Variants in MAOA observed in about 807,000 individuals in gnomAD.
MAOA encodes the protein amine oxidase [flavin-containing] A.
Under a neutral mutation model 42.0 loss-of-function variants are expected in MAOA, and 6 were observed. The ratio of observed to expected loss-of-function variants is 0.14; its 90% CI spans 0.08 to 0.28. The LOEUF (loss-of-function observed/expected upper bound fraction) is 0.28. Among genes scored for constraint, MAOA ranks in the 10% least tolerant of loss-of-function variants. The pLI is 1.00. For missense variants in MAOA, 262 were observed against 422.3 expected (o/e 0.62, Z 3.33); for synonymous variants, 140 against 154.0 (o/e 0.91, Z 0.67).
Position 43,678,676 on chromosome X carries a change from C to T in MAOA, c.74-4837C>T, listed in dbSNP as rs780128710. Reference sequence around the variant, plus strand: ...GGTAGAATGCATAGTGAGTGACACACAAGTACAAAAAAGAGTTGGTTATAA... The same window carrying T: ...GGTAGAATGCATAGTGAGTGACACATAAGTACAAAAAAGAGTTGGTTATAA... On this transcript the variant is annotated intron_variant, in intron 1 of 14. Transcript: ENST00000338702. 6.3e-5 allele frequency among the ~76,000 whole-genome samples: 7 copies of T among 111,398 alleles called. No homozygotes were observed. The East Asian group carries it at 2.0e-3, about 31-fold the overall frequency.
chrX:43,657,183 A>G (rs1023299920), intron 1 of MAOA, among the ~76,000 whole-genome samples: 1 of 94,889 alleles, frequency 1.1e-5, no homozygotes, highest in African/African-American at 4.1e-5. Flanking sequence ...CTGTGTTTAT[A>G]TATATATATG....
In MAOA at chrX:43,669,038, T is replaced by C. The variant is rs186701689; in HGVS notation, c.73+12624T>C. Among the ~76,000 whole-genome samples, 405 of 110,868 alleles carry C rather than the reference T, an allele frequency of 3.7e-3. 2 individuals carry two copies. Among genetic ancestry groups the C allele is most frequent in the African/African-American group, 0.013 (390 of 30,538 alleles). On this transcript the variant is annotated intron_variant, in intron 1 of 14. Coordinates refer to ENST00000338702, the MANE Select transcript of MAOA (RefSeq NM_000240.4). ...TTTATTTTTCAGAGCTCTTGTTGAG[T>C]TGATGTTGCTCTAAGAAGTGAGCTT... is the stretch of plus-strand genomic sequence containing the variant.
rs1057459321 is a variant in MAOA at position 43,661,671 on chromosome X, T to C, written c.73+5257T>C. Among the ~76,000 whole-genome samples, 5 of 111,824 alleles carry C rather than the reference T, an allele frequency of 4.5e-5. No individual in the cohort carries two copies. In the East Asian group the frequency reaches 1.4e-3, roughly 32 times the overall value. The stretch of plus-strand genomic sequence containing the variant: ...CACATCTACCCATGATTTTTGTTCC[T>C]GTGTGAGCTGTGAATGGTTAGCGAG... On this transcript the variant is annotated intron_variant, in intron 1 of 14. Transcript: ENST00000338702.
At chrX:43,687,203 A>G (rs1307933056) in intron 2 of MAOA, among the ~76,000 whole-genome samples, 3 of 112,281 alleles carry the variant, frequency 2.7e-5, no homozygotes, top group Non-Finnish European at 3.8e-5. Context: ...AACACAGTAG[A>G]ATACAGTGTT....
At chrX:43,656,263 G>A, upstream of MAOA, 1 of 925,153 alleles carries the variant, frequency 1.1e-6, no homozygotes, top group Non-Finnish European at 1.6e-6. Context: ...GCTCCCCGGG[G>A]GAGTTGATAG....
Position 43,728,230 on chromosome X carries a change from C to T in MAOA, c.561C>T (p.His187=). 2 of 1,209,890 alleles carry T rather than the reference C, an allele frequency of 1.7e-6. No individual in the cohort carries two copies. The highest frequency in any genetic ancestry group is 2.2e-6 in the Non-Finnish European group (2 of 893,838). The change falls in exon 6 of 15, where the codon CAC becomes CAT. Residue 187 remains histidine (H), a synonymous_variant. Transcript: ENST00000338702. The stretch of plus-strand genomic sequence containing the variant: ...ATATCAATGTGACCTCTGAGCCTCA[C>T]GAAGTGTCTGCCCTGTGGTTCTTGT... ...FVNINVTSEP[H]EVSALWFLWY... is the part of the protein sequence containing the mutation.
intron 3 of MAOA, among the ~76,000 whole-genome samples, chrX:43,696,069 C>T (rs182600957): frequency 8.9e-6 from 1 of 111,912 alleles, no homozygotes; most frequent in African/African-American, 3.2e-5. Flanking sequence ...AGAAGGTGGT[C>T]CTGCTGCAAG....
chrX:43,714,756 C>G (rs909326268), intron 5 of MAOA, among the ~76,000 whole-genome samples: 16 of 85,102 alleles, frequency 1.9e-4, no homozygotes, highest in African/African-American at 6.8e-4. Flanking sequence ...CAAGGGGAAA[C>G]AGGCAACATT....
At chrX:43,738,460 C>A (rs2033936966) in intron 10 of MAOA, among the ~76,000 whole-genome samples, 1 of 111,607 alleles carries the variant, frequency 9.0e-6, no homozygotes, top group Middle Eastern at 4.2e-3. Flanking sequence ...AAACTAACTA[C>A]AATGTGGGTT....
intron 5 of MAOA, 111 bp from the exon 6 acceptor site, chrX:43,728,062 C>T: frequency 1.3e-6 from 1 of 753,887 alleles, no homozygotes; most frequent in Admixed American, 2.3e-5. Context: ...GAGTTTTTTT[C>T]AATTGCAACA....
intron 1 of MAOA, among the ~76,000 whole-genome samples, chrX:43,671,862 G>C (rs1311426666): frequency 1.9e-5 from 2 of 104,034 alleles, no homozygotes; most frequent in African/African-American, 7.0e-5. Flanking sequence ...AGTATAGTTT[G>C]AAGTCAGGTA....
At chrX:43,721,387 C>G (rs1418348123) in intron 5 of MAOA, among the ~76,000 whole-genome samples, 1 of 111,639 alleles carries the variant, frequency 9.0e-6, no homozygotes, top group Non-Finnish European at 1.9e-5. Context: ...GCTGATAGTG[C>G]AGGATCTATG....
chrX:43,702,296 A>G (rs939368533), intron 3 of MAOA, among the ~76,000 whole-genome samples: 1 of 112,064 alleles, frequency 8.9e-6, no homozygotes, highest in Non-Finnish European at 1.9e-5. Context: ...GCTGGGCCAC[A>G]GAGTTTTAGT....
chrX:43,741,752 A>G (rs745794610), intron 11 of MAOA, among the ~76,000 whole-genome samples, 198 bp from the exon 12 acceptor site: 1 of 112,334 alleles, frequency 8.9e-6, no homozygotes, highest in South Asian at 3.7e-4. Context: ...GGGAAGAGCA[A>G]AGTATACATG....
intron 3 of MAOA, among the ~76,000 whole-genome samples, chrX:43,695,661 G>A (rs937310901): frequency 1.8e-5 from 2 of 111,830 alleles, no homozygotes; most frequent in Non-Finnish European, 3.8e-5. Flanking sequence ...GAGCCCAGGA[G>A]GTCGAGGTTA....
At chrX:43,661,765 T>A (rs1307385420) in intron 1 of MAOA, among the ~76,000 whole-genome samples, 1 of 111,279 alleles carries the variant, frequency 9.0e-6, no homozygotes, top group Non-Finnish European at 1.9e-5. Context: ...CTTCATTTTT[T>A]TTTATTTTGC....
chrX:43,655,150 C>G (rs761728430), upstream of MAOA: 3 of 118,845 alleles, frequency 2.5e-5, no homozygotes, highest in East Asian at 8.2e-4. Context: ...GGCACCAGTA[C>G]CCGCACCAGT....
At chrX:43,718,616 C>G (rs1286048295) in intron 5 of MAOA, among the ~76,000 whole-genome samples, 2 of 107,019 alleles carry the variant, frequency 1.9e-5, no homozygotes, top group Non-Finnish European at 3.9e-5. Flanking sequence ...GTGGGGGAGA[C>G]CATCAGGGGG....
chrX:43,664,246 A>G (rs991694475), intron 1 of MAOA, among the ~76,000 whole-genome samples: 2 of 112,459 alleles, frequency 1.8e-5, no homozygotes, highest in Non-Finnish European at 3.8e-5. Flanking sequence ...TGAAATTGAC[A>G]TGTTTTGAAA....
Sources: allele counts gnomAD v4.1 joint callset (sites outside exome capture counted in the v4.1 genomes callset), GRCh38; gene constraint gnomAD v4.1.1; transcripts MANE v1.5; gene names NCBI Gene and HGNC (gene_info 2026-07-23, HGNC 2026-07-21).